The following FLT3 variants were observed in gnomAD, a reference collection of about 807,000 sequenced individuals.
FLT3 encodes the protein fms related receptor tyrosine kinase 3.
FLT3 carries 46 observed loss-of-function variants against 126.6 expected under a neutral mutation model. The observed-to-expected ratio is 0.36, with a 90% CI of 0.29 to 0.46. The LOEUF (loss-of-function observed/expected upper bound fraction) is 0.46, where lower values mean the gene tolerates loss of function less well. FLT3 is among the 20% of genes least tolerant of loss of function. FLT3 has a pLI of 1.00. For synonymous variants in FLT3, 404 were observed against 434.4 expected, an observed-to-expected ratio of 0.93 and a Z score of 0.87; for missense variants, 1,069 against 1,190.3, an observed-to-expected ratio of 0.90 and a Z score of 1.50.
intron 23 of FLT3, among the ~76,000 whole-genome samples, chr13:28,011,881 T>A (rs886183421): frequency 6.6e-6 from 1 of 151,986 alleles, no homozygotes; most frequent in Non-Finnish European, 1.5e-5. Flanking sequence ...CACTGCAACA[T>A]CCACCTCCCA....
At chr13:28,094,534 C>G (rs1879329891) in intron 1 of FLT3, among the ~76,000 whole-genome samples, 1 of 152,086 alleles carries the variant, frequency 6.6e-6, no homozygotes, top group Non-Finnish European at 1.5e-5. Flanking sequence ...GCATCTTGCT[C>G]TGTCACCCAC....
At chr13:28,046,483 A>G (rs1030125410) in intron 9 of FLT3, among the ~76,000 whole-genome samples, 1 of 152,252 alleles carries the variant, frequency 6.6e-6, no homozygotes, top group African/African-American at 2.4e-5. Context: ...TGTTGGCTGT[A>G]TAAAGTAAAA....
At chr13:28,050,021 C>T in intron 6 of FLT3, 74 bp downstream of exon 6, 1 of 1,494,920 alleles carries the variant, frequency 6.7e-7, no homozygotes, top group Non-Finnish European at 9.2e-7. Context: ...ATCACCTACG[C>T]AGTTACTGTT....
intron 23 of FLT3, chr13:28,009,615 T>G (rs1438013667): frequency 6.6e-6 from 1 of 152,190 alleles, no homozygotes; most frequent in Non-Finnish European, 1.5e-5. Context: ...TAGAGTACAG[T>G]GGCATGATCG....
At chr13:28,011,701 T>TCCCTCC (rs1566055079) in intron 23 of FLT3, among the ~76,000 whole-genome samples, 5 of 84,602 alleles carry the variant, frequency 5.9e-5, no homozygotes, top group South Asian at 7.5e-4. Flanking sequence ...CTTCCTTTCT[T>TCCCTCC]TCTCTTTTTC....
Position 28,037,221 on chromosome 13 carries a change from C to A in FLT3, c.1273G>T (p.Ala425Ser). 1 of 1,608,652 alleles carries A rather than the reference C, an allele frequency of 6.2e-7. No homozygotes were observed. The highest frequency in any genetic ancestry group is 8.5e-7 in the Non-Finnish European group (1 of 1,175,198). The change falls in exon 10 of 24, where the codon GCC (alanine) becomes TCC (serine). Residue 425 changes from alanine to serine, a missense_variant. Coordinates refer to ENST00000241453, the MANE Select transcript of FLT3 (RefSeq NM_004119.3). ...AGCGTGAACATTTTGGTAAATTGGG[C>A]ATCATCATTTTCTGCATGGAATATA... Reference protein sequence around the residue: ...EYIFHAENDDAQFTKMFTLNI... With the variant: ...EYIFHAENDDSQFTKMFTLNI...
chr13:28,024,376 G>A (rs1206623327), intron 18 of FLT3, among the ~76,000 whole-genome samples: 1 of 151,850 alleles, frequency 6.6e-6, no homozygotes, highest in Non-Finnish European at 1.5e-5. Flanking sequence ...CAGGTGACCT[G>A]CCTGCCTCGG....
chr13:28,009,541 AC>A (rs900837243), intron 23 of FLT3: 2 of 152,056 alleles, frequency 1.3e-5, no homozygotes, highest in African/African-American at 4.8e-5. Context: ...TTATGGCCTC[AC>A]TTTTATTTTA....
chr13:28,062,336 T>G (rs1310952237), intron 2 of FLT3, among the ~76,000 whole-genome samples: 5 of 152,190 alleles, frequency 3.3e-5, no homozygotes, highest in Non-Finnish European at 7.3e-5. Context: ...CAAGTTCATA[T>G]GTTGAAGTCC....
intron 9 of FLT3, among the ~76,000 whole-genome samples, chr13:28,038,452 G>GTT (rs1268645868): frequency 1.2e-4 from 18 of 144,520 alleles, no homozygotes; most frequent in Non-Finnish European, 1.4e-4. Flanking sequence ...CCTACTGAAA[G>GTT]TTTTTTTTTT....
chr13:28,078,540 C>A (rs920005700), intron 1 of FLT3, among the ~76,000 whole-genome samples: 2 of 152,134 alleles, frequency 1.3e-5, no homozygotes, highest in African/African-American at 4.8e-5. Context: ...GCCCATGAAA[C>A]CACTTTTTTC....
At chr13:28,053,195 CA>C (rs1875697992) in intron 4 of FLT3, among the ~76,000 whole-genome samples, 1 of 151,662 alleles carries the variant, frequency 6.6e-6, no homozygotes, top group African/African-American at 2.4e-5. Context: ...CACACACACA[CA>C]CCATCCTTCA....
intron 2 of FLT3, among the ~76,000 whole-genome samples, chr13:28,066,200 A>G (rs949943903): frequency 6.6e-6 from 1 of 152,238 alleles, no homozygotes; most frequent in Non-Finnish European, 1.5e-5. Flanking sequence ...AGCACTGTAC[A>G]CAAATACTGT....
intron 23 of FLT3, 25 bp downstream of exon 23, chr13:28,014,427 T>A (rs777210242): frequency 6.6e-7 from 1 of 1,510,864 alleles, no homozygotes; most frequent in South Asian, 1.1e-5. Flanking sequence ...TTGTAAAGCT[T>A]TATAAAGTCC....
At chr13:28,032,714 C>T (rs1035993264) in intron 15 of FLT3, among the ~76,000 whole-genome samples, 2 of 152,122 alleles carry the variant, frequency 1.3e-5, no homozygotes, top group African/African-American at 4.8e-5. Context: ...AGAAGATGAG[C>T]CCACAAAGGA....
At chr13:28,075,003 T>A (rs182045452) in intron 1 of FLT3, among the ~76,000 whole-genome samples, 1 of 152,312 alleles carries the variant, frequency 6.6e-6, no homozygotes, top group African/African-American at 2.4e-5. Context: ...GATGATGCTA[T>A]CACATTCCAT....
At chr13:28,060,168 G>C (rs1289033967) in intron 3 of FLT3, among the ~76,000 whole-genome samples, 2 of 150,280 alleles carry the variant, frequency 1.3e-5, no homozygotes, top group African/African-American at 4.9e-5. Flanking sequence ...GCTGAGGTGA[G>C]TGGATCACCT....
chr13:28,055,048 C>G (rs1436988668), intron 4 of FLT3, among the ~76,000 whole-genome samples: 1 of 152,004 alleles, frequency 6.6e-6, no homozygotes, highest in Non-Finnish European at 1.5e-5. Flanking sequence ...AGTATTTTTT[C>G]CCATCTTGAG....
intron 3 of FLT3, among the ~76,000 whole-genome samples, chr13:28,061,492 G>A (rs532116498): frequency 3.9e-5 from 6 of 152,240 alleles, no homozygotes; most frequent in East Asian, 3.9e-4. Context: ...GAGGCCAGGC[G>A]CAGTGACTCA....
Sources: allele counts gnomAD v4.1 joint callset (sites outside exome capture counted in the v4.1 genomes callset), GRCh38; gene constraint gnomAD v4.1.1; transcripts MANE v1.5; gene names NCBI Gene and HGNC (gene_info 2026-07-23, HGNC 2026-07-21).